The following BRINP2 variants were observed in gnomAD, a reference collection of about 807,000 sequenced individuals.
BRINP2 encodes BMP/retinoic acid inducible neural specific 2.
Under a neutral mutation model 69.2 loss-of-function variants are expected in BRINP2, and 21 were observed. The observed-to-expected ratio is 0.30, with a 90% CI of 0.22 to 0.44. The LOEUF (loss-of-function observed/expected upper bound fraction) is 0.44. Among genes scored for constraint, BRINP2 ranks in the 20% least tolerant of loss-of-function variants. BRINP2 has a pLI of 1.00. For missense variants in BRINP2, 877 were observed against 986.0 expected (o/e 0.89, Z 1.48); for synonymous variants, 380 against 394.1 (o/e 0.96, Z 0.42).
At chr1:177,211,400 C>A (rs551859437) in intron 1 of BRINP2, among the ~76,000 whole-genome samples, 1 of 152,170 alleles carries the variant, frequency 6.6e-6, no homozygotes, top group Non-Finnish European at 1.5e-5. Flanking sequence ...CAGTAACAGC[C>A]TGTATGACAA....
At chr1:177,277,616 C>T (rs540537392) in intron 6 of BRINP2, among the ~76,000 whole-genome samples, 26 of 151,736 alleles carry the variant, frequency 1.7e-4, no homozygotes, top group African/African-American at 6.0e-4. Flanking sequence ...TCAAAATGAG[C>T]TGAGGCCCCA....
intron 2 of BRINP2, among the ~76,000 whole-genome samples, chr1:177,239,694 T>C (rs188029266): frequency 9.9e-4 from 151 of 152,340 alleles, no homozygotes; most frequent in Non-Finnish European, 1.8e-3. Context: ...TATGCTCTGT[T>C]ACAGTCCCAC....
At chr1:177,220,409 T>C (rs561642043) in intron 1 of BRINP2, among the ~76,000 whole-genome samples, 1 of 152,240 alleles carries the variant, frequency 6.6e-6, no homozygotes, top group South Asian at 2.1e-4. Context: ...TTCACGCCTA[T>C]CTGTGGTTTC....
intron 6 of BRINP2, among the ~76,000 whole-genome samples, 159 bp from the exon 7 acceptor site, chr1:177,278,404 G>T (rs531372676): frequency 1.3e-4 from 19 of 148,672 alleles, no homozygotes; most frequent in African/African-American, 4.7e-4. Flanking sequence ...CTCAATAAAG[G>T]TGTTGATTTT....
At chr1:177,256,847 C>T in intron 3 of BRINP2, 2 of 1,170,724 alleles carry the variant, frequency 1.7e-6, no homozygotes, top group Non-Finnish European at 2.1e-6. Context: ...GCCACGAAGA[C>T]TCCTCGTAAA....
intron 2 of BRINP2, among the ~76,000 whole-genome samples, chr1:177,243,992 T>C (rs944252984): frequency 6.6e-6 from 1 of 151,582 alleles, no homozygotes; most frequent in African/African-American, 2.4e-5. Flanking sequence ...GGGTGGGAAA[T>C]TGTCCATCTG....
chr1:177,199,776 C>T (rs1158523854), intron 1 of BRINP2, among the ~76,000 whole-genome samples: 3 of 152,282 alleles, frequency 2.0e-5, no homozygotes, highest in East Asian at 3.9e-4. Flanking sequence ...AAAAAATGCA[C>T]TCAGTTATAG....
chr1:177,270,496 TG>T (rs1214438302), intron 4 of BRINP2, among the ~76,000 whole-genome samples: 3 of 55,496 alleles, frequency 5.4e-5, no homozygotes, highest in East Asian at 8.6e-4. Context: ...AAGATGATGG[TG>T]GGGGGCGGGA....
rs1650799325 is a variant in BRINP2 at position 177,257,313 on chromosome 1, T to C, written c.598T>C (p.Ser200Pro). The C allele has an allele frequency of 6.2e-7, 1 of 1,614,022 alleles. No homozygotes were observed. Among genetic ancestry groups the C allele is most frequent in the Non-Finnish European group, 8.5e-7 (1 of 1,180,022 alleles). The change falls in exon 4 of 8, where the codon TCC becomes CCC. Residue 200 changes from serine (S) to proline (P), a missense_variant. By Grantham distance (74) the Ser-to-Pro change is moderately conservative. Coordinates refer to ENST00000361539, the MANE Select transcript of BRINP2 (RefSeq NM_021165.4). ...SLETLHQLAA[S>P]YFIDRESTLR... is the part of the protein sequence containing the mutation. ...GGAGACCCTGCACCAGCTGGCCGCC[T>C]CCTACTTCATCGACAGAGAGAGCAC...
intron 1 of BRINP2, among the ~76,000 whole-genome samples, chr1:177,200,494 C>T (rs915180859): frequency 7.2e-5 from 11 of 151,898 alleles, no homozygotes; most frequent in African/African-American, 2.2e-4. Context: ...CCACTCACTG[C>T]TTCATCACCA....
intron 1 of BRINP2, among the ~76,000 whole-genome samples, chr1:177,194,937 A>G (rs1377210118): frequency 1.3e-5 from 2 of 152,180 alleles, no homozygotes; most frequent in South Asian, 2.1e-4. Context: ...TCCGGGCCTC[A>G]TAACAAAATA....
intron 1 of BRINP2, among the ~76,000 whole-genome samples, chr1:177,221,878 G>A (rs1649541557): frequency 6.6e-6 from 1 of 152,194 alleles, no homozygotes; most frequent in South Asian, 2.1e-4. Flanking sequence ...AGAAAATGAG[G>A]CTAAAAGATG....
chr1:177,182,973 T>C (rs1648305628), intron 1 of BRINP2, among the ~76,000 whole-genome samples: 1 of 151,602 alleles, frequency 6.6e-6, no homozygotes, highest in African/African-American at 2.4e-5. Flanking sequence ...TTTTTTCTTT[T>C]CTTTTTTTTC....
chr1:177,257,338 C>T lies in BRINP2; in HGVS notation c.623C>T (p.Thr208Met), dbSNP rs760695139. 3.3e-5 allele frequency: 54 copies of T among 1,613,826 alleles called. No homozygotes were observed. The highest frequency in any genetic ancestry group is 4.4e-5 in the Non-Finnish European group (52 of 1,179,952). ...AASYFIDRES[T>M]LRRLHHIQIA... ...TCCTACTTCATCGACAGAGAGAGCA[C>T]GCTGCGACGGCTGCACCATATCCAG... Residue 208 changes from threonine (T) to methionine (M), a missense_variant, in exon 4 of 8, where the codon ACG becomes ATG. Transcript: ENST00000361539.
intron 1 of BRINP2, among the ~76,000 whole-genome samples, chr1:177,180,347 CT>C (rs1648208869): frequency 1.3e-5 from 2 of 152,176 alleles, no homozygotes; most frequent in Non-Finnish European, 2.9e-5. Context: ...GGGCATCAAT[CT>C]GGTCATAGTC....
chr1:177,235,658 A>T (rs1452904990), intron 2 of BRINP2, among the ~76,000 whole-genome samples: 1 of 152,210 alleles, frequency 6.6e-6, no homozygotes, highest in Non-Finnish European at 1.5e-5. Context: ...TTGGATAAAC[A>T]GCGAACCCTG....
In BRINP2 at chr1:177,255,955, G is replaced by A; in HGVS notation, c.306G>A (p.Leu102=). 6.2e-7 allele frequency: 1 copy of A among 1,614,210 alleles called. No individual in the cohort carries two copies. Among genetic ancestry groups the A allele is most frequent in the East Asian group, 2.2e-5 (1 of 44,890 alleles). Residue 102 remains leucine, a synonymous_variant, in exon 3 of 8, where the codon CTG becomes CTA. Transcript: ENST00000361539. ...FARWKVNNLA[L]ERKDFFSLPL... Reference sequence around the variant, plus strand: ...GTTGGAAGGTGAACAACTTGGCTCTGGAAAGGAAGGACTTCTTCAGTTTGC... The same window carrying A: ...GTTGGAAGGTGAACAACTTGGCTCTAGAAAGGAAGGACTTCTTCAGTTTGC...
chr1:177,279,672 G>C (rs1651628902), intron 7 of BRINP2, among the ~76,000 whole-genome samples: 1 of 152,210 alleles, frequency 6.6e-6, no homozygotes, highest in Admixed American at 6.5e-5. Flanking sequence ...AACAAATAAT[G>C]ATTAAAGGCT....
chr1:177,212,326 A>G (rs899117370), intron 1 of BRINP2, among the ~76,000 whole-genome samples: 2 of 152,158 alleles, frequency 1.3e-5, no homozygotes, highest in Non-Finnish European at 2.9e-5. Context: ...TGGGCGGATC[A>G]CAAGGTCAGG....
Sources: gnomAD v4.1 joint callset for allele counts (sites outside exome capture counted in the v4.1 genomes callset) on GRCh38, gnomAD v4.1.1 for gene constraint, MANE v1.5 for transcripts, NCBI Gene and HGNC (gene_info 2026-07-23, HGNC 2026-07-21) for gene names.